TCF7L2: variants seen among roughly 807,000 people sequenced by gnomAD.
The protein encoded by TCF7L2 is transcription factor 7 like 2, also known as transcription factor 7-like 2.
A neutral mutation model predicts 77.9 loss-of-function variants in TCF7L2; 23 were observed. The ratio of observed to expected loss-of-function variants is 0.30; its 90% confidence interval spans 0.21 to 0.42. TCF7L2 has a LOEUF of 0.42. TCF7L2 is among the 10% of genes least tolerant of loss of function. The pLI is 1.00. For missense variants in TCF7L2, 654 were observed against 793.1 expected (o/e 0.82, Z 2.11); for synonymous variants, 413 against 340.2 (o/e 1.21, Z -2.36).
chr10:113,080,735 G>A (rs11196218), intron 5 of TCF7L2, among the ~76,000 whole-genome samples: 37,771 of 151,966 alleles, frequency 0.25, 4,849 homozygotes, highest in South Asian at 0.33. Flanking sequence ...GTTTTCATAA[G>A]CACCCGAGAA....
chr10:113,099,404 C>T (rs536839067), intron 5 of TCF7L2, among the ~76,000 whole-genome samples: 16 of 152,268 alleles, frequency 1.1e-4, no homozygotes, highest in South Asian at 1.0e-3. Context: ...ACCTGCCCCA[C>T]GACTTAGATG....
intron 4 of TCF7L2, among the ~76,000 whole-genome samples, chr10:113,008,861 T>C (rs2045998253): frequency 6.6e-6 from 1 of 152,160 alleles, no homozygotes; most frequent in Non-Finnish European, 1.5e-5. Context: ...GCTCAGGGAT[T>C]AGTTGCTCAA....
At chr10:113,016,734 T>C (rs1206212668) in intron 4 of TCF7L2, among the ~76,000 whole-genome samples, 1 of 144,456 alleles carries the variant, frequency 6.9e-6, no homozygotes. Context: ...GGGGCCAGGC[T>C]TTTTTTTTTT....
intron 5 of TCF7L2, among the ~76,000 whole-genome samples, chr10:113,041,068 A>G (rs1329956889): frequency 6.6e-6 from 1 of 152,250 alleles, no homozygotes; most frequent in Non-Finnish European, 1.5e-5. Context: ...TCTTAAGTAG[A>G]AAAATCTTAA....
intron 4 of TCF7L2, among the ~76,000 whole-genome samples, chr10:112,966,184 T>TTTTTTATATATATATATA (rs1554876896): frequency 8.8e-6 from 1 of 114,280 alleles, no homozygotes; most frequent in African/African-American, 4.8e-5. Flanking sequence ...TAAAATATAT[T>TTTTTTATATATATATATA]TATATATATA....
At chr10:113,129,391 G>A in intron 5 of TCF7L2, 2 of 993,584 alleles carry the variant, frequency 2.0e-6, no homozygotes, top group Non-Finnish European at 2.4e-6. Context: ...TGAGGGAGGG[G>A]ACTTTGCTGA....
rs1269050034 is a variant in TCF7L2, at chr10:112,954,736, A to G, written c.381+3129A>G. ...TTTTCCCTCCTGGCAAAGTGGAAAT[A>G]GGAATATGGTGGTTGAAATTCCAGT... On this transcript the variant is annotated intron_variant, in intron 3 of 13. Coordinates refer to ENST00000627217, the MANE Select transcript of TCF7L2 (RefSeq NM_001146274.2). Among the ~76,000 whole-genome samples the G allele has an allele frequency of 6.6e-5, 10 of 152,370 alleles. No individual in the cohort carries two copies. In the East Asian group the frequency reaches 1.9e-3, roughly 29 times the overall value.
intron 8 of TCF7L2, among the ~76,000 whole-genome samples, chr10:113,150,265 A>G (rs560582027): frequency 3.3e-5 from 5 of 152,302 alleles, no homozygotes; most frequent in African/African-American, 7.2e-5. Context: ...TAGAGGAGAA[A>G]GGGCATACAA....
intron 12 of TCF7L2, among the ~76,000 whole-genome samples, chr10:113,159,296 C>G (rs2072625725): frequency 6.6e-6 from 1 of 152,066 alleles, no homozygotes; most frequent in Non-Finnish European, 1.5e-5. Context: ...TTACCTTTAT[C>G]TTTTCCTCTC....
Position 113,051,251 on chromosome 10 carries a change from A to ACATATG in TCF7L2, c.552+11128_552+11133dup, listed in dbSNP as rs2054426741. Among the ~76,000 whole-genome samples, 9 of 148,596 alleles carry ACATATG rather than the reference A, an allele frequency of 6.1e-5. No homozygotes were observed. In the South Asian group the frequency reaches 1.9e-3, roughly 32 times the overall value. ...CACACACACACACACACAGACACAT[A>ACATATG]CATATGCACACACCCCGACTCAATG... On this transcript the variant is annotated intron_variant, in intron 5 of 13. Transcript: ENST00000627217.
chr10:113,028,073 G>A (rs1564801243), intron 4 of TCF7L2, among the ~76,000 whole-genome samples: 1 of 152,222 alleles, frequency 6.6e-6, no homozygotes, highest in African/African-American at 2.4e-5. Flanking sequence ...ATGTCTGAAA[G>A]GAAAGTGGGC....
intron 5 of TCF7L2, among the ~76,000 whole-genome samples, chr10:113,064,551 G>A (rs1455047763): frequency 6.6e-6 from 1 of 152,196 alleles, no homozygotes; most frequent in Admixed American, 6.5e-5. Flanking sequence ...TTATTCTAAA[G>A]CCCTCTTGTT....
intron 4 of TCF7L2, among the ~76,000 whole-genome samples, chr10:113,039,001 A>T (rs1475132688): frequency 6.6e-6 from 1 of 152,184 alleles, no homozygotes; most frequent in Admixed American, 6.5e-5. Context: ...TCATTAACTG[A>T]TGGATTAGTG....
At chr10:113,076,866 A>T (rs1440582189) in intron 5 of TCF7L2, among the ~76,000 whole-genome samples, 1 of 152,202 alleles carries the variant, frequency 6.6e-6, no homozygotes. Flanking sequence ...ACCCCACCAG[A>T]TATCAAGTAA....
intron 5 of TCF7L2, among the ~76,000 whole-genome samples, chr10:113,082,441 C>T (rs1175449548): frequency 1.3e-5 from 2 of 152,082 alleles, no homozygotes; most frequent in African/African-American, 2.4e-5. Flanking sequence ...ACTTTCCCCC[C>T]CACAGGAAAA....
chr10:113,051,402 C>T (rs1346702059), intron 5 of TCF7L2, among the ~76,000 whole-genome samples: 1 of 152,196 alleles, frequency 6.6e-6, no homozygotes, highest in African/African-American at 2.4e-5. Flanking sequence ...AGATAGTCTT[C>T]TGTCCCTTAC....
chr10:113,090,851 G>A (rs917188494), intron 5 of TCF7L2, among the ~76,000 whole-genome samples: 24 of 152,160 alleles, frequency 1.6e-4, no homozygotes, highest in Non-Finnish European at 3.1e-4. Flanking sequence ...CTCGTGATCC[G>A]CCCGCCTCGG....
intron 4 of TCF7L2, among the ~76,000 whole-genome samples, 182 bp downstream of exon 4, chr10:112,964,806 TGGTGGTGGGGGGG>T: frequency 2.9e-5 from 1 of 34,596 alleles, no homozygotes; most frequent in African/African-American, 1.7e-4. Flanking sequence ...GTGGTGGTGG[TGGTGGTGGGGGGG>T]GGTTGAATCA....
At chr10:113,154,858 A>C (rs954361599) in intron 11 of TCF7L2, among the ~76,000 whole-genome samples, 2 of 152,176 alleles carry the variant, frequency 1.3e-5, no homozygotes, top group African/African-American at 4.8e-5. Flanking sequence ...ATGGCTCATT[A>C]CACATGGGTG....
Sources: allele counts gnomAD v4.1 joint callset (sites outside exome capture counted in the v4.1 genomes callset), GRCh38; gene constraint gnomAD v4.1.1; transcripts MANE v1.5; gene names NCBI Gene and HGNC (gene_info 2026-07-23, HGNC 2026-07-21).